Variants in CAMK2D observed in about 807,000 individuals in gnomAD.
CAMK2D encodes the protein calcium/calmodulin dependent protein kinase II delta.
CAMK2D carries 37 observed loss-of-function variants against 84.0 expected under a neutral mutation model. That is an observed-to-expected ratio of 0.44 (90% CI 0.34 to 0.58). The LOEUF (loss-of-function observed/expected upper bound fraction) is 0.58. Ranked by LOEUF, CAMK2D falls within the 20% of genes least tolerant of loss-of-function variation. The pLI is 0.02. For synonymous variants in CAMK2D, 202 were observed against 212.5 expected, an observed-to-expected ratio of 0.95 and a Z score of 0.43; for missense variants, 448 against 652.5, an observed-to-expected ratio of 0.69 and a Z score of 3.41.
intron 4 of CAMK2D, among the ~76,000 whole-genome samples, chr4:113,576,789 G>T (rs1273608189): frequency 6.6e-6 from 1 of 151,842 alleles, no homozygotes; most frequent in East Asian, 1.9e-4. Context: ...TTTTAATTTA[G>T]ACGGTACCAA....
intron 4 of CAMK2D, among the ~76,000 whole-genome samples, chr4:113,571,704 T>C (rs1476998299): frequency 1.3e-5 from 2 of 152,178 alleles, no homozygotes; most frequent in East Asian, 3.9e-4. Context: ...CAAAACCCCA[T>C]CTCTACTAAA....
At chr4:113,698,959 C>T (rs1038081887) in intron 2 of CAMK2D, among the ~76,000 whole-genome samples, 4 of 151,840 alleles carry the variant, frequency 2.6e-5, no homozygotes, top group African/African-American at 7.3e-5. Context: ...GGATTATGTC[C>T]GGATAATAAA....
At chr4:113,678,612 G>T (rs74770597) in intron 2 of CAMK2D, among the ~76,000 whole-genome samples, 4 of 151,722 alleles carry the variant, frequency 2.6e-5, no homozygotes, top group African/African-American at 9.7e-5. Context: ...TGTTTATGTC[G>T]GGAACATACA....
chr4:113,722,850 T>C (rs1347327612), intron 2 of CAMK2D, among the ~76,000 whole-genome samples: 2 of 152,036 alleles, frequency 1.3e-5, no homozygotes, highest in African/African-American at 4.8e-5. Context: ...AATTTATCAA[T>C]CACGTTAAGC....
At chr4:113,563,252 C>G (rs768292254) in intron 4 of CAMK2D, among the ~76,000 whole-genome samples, 1 of 151,988 alleles carries the variant, frequency 6.6e-6, no homozygotes, top group Non-Finnish European at 1.5e-5. Flanking sequence ...AAAACTCCAT[C>G]TCAAAAAAAC....
At chr4:113,561,185 A>C (rs1448704866) in intron 4 of CAMK2D, among the ~76,000 whole-genome samples, 2 of 152,194 alleles carry the variant, frequency 1.3e-5, no homozygotes, top group Non-Finnish European at 2.9e-5. Flanking sequence ...TTTTATTACT[A>C]CAGGGACTTA....
chr4:113,605,446 G>C (rs1401297813), intron 4 of CAMK2D, among the ~76,000 whole-genome samples: 3 of 152,138 alleles, frequency 2.0e-5, no homozygotes, highest in African/African-American at 7.2e-5. Context: ...GAACCTAAAA[G>C]GACAGAAAAA....
At chr4:113,678,460 A>ATT (rs35916236) in intron 2 of CAMK2D, among the ~76,000 whole-genome samples, 364 of 135,394 alleles carry the variant, frequency 2.7e-3, no homozygotes, top group Non-Finnish European at 4.7e-3. Context: ...TGGTTCTGTG[A>ATT]TTTTTTTTTT....
chr4:113,620,859 T>C (rs553264351), intron 3 of CAMK2D, among the ~76,000 whole-genome samples: 1 of 152,326 alleles, frequency 6.6e-6, no homozygotes, highest in Non-Finnish European at 1.5e-5. Flanking sequence ...TTAAGAAATA[T>C]AATTTTTGGT....
At chr4:113,626,506 T>C (rs114935868) in intron 3 of CAMK2D, among the ~76,000 whole-genome samples, 2,364 of 152,318 alleles carry the variant, frequency 0.016, 65 homozygotes, top group African/African-American at 0.054. Flanking sequence ...ACATTTGTTA[T>C]GAATAAATAT....
chr4:113,674,606 CA>C (rs931858059), intron 2 of CAMK2D, among the ~76,000 whole-genome samples: 4 of 152,046 alleles, frequency 2.6e-5, no homozygotes, highest in African/African-American at 9.7e-5. Context: ...AGCTGGCAGA[CA>C]AAAACCTGTC....
intron 2 of CAMK2D, among the ~76,000 whole-genome samples, chr4:113,734,865 A>C (rs926615149): frequency 6.6e-6 from 1 of 151,406 alleles, no homozygotes; most frequent in African/African-American, 2.4e-5. Flanking sequence ...AGTTTTTTAA[A>C]CCAGTTTTAC....
At chr4:113,540,396 G>A (rs114767698) in intron 6 of CAMK2D, among the ~76,000 whole-genome samples, 191 of 152,202 alleles carry the variant, frequency 1.3e-3, no homozygotes, top group African/African-American at 4.5e-3. Flanking sequence ...TTTCTAACAC[G>A]AATCAGACAG....
At chr4:113,626,217 G>T (rs1440346465) in intron 3 of CAMK2D, among the ~76,000 whole-genome samples, 1 of 152,118 alleles carries the variant, frequency 6.6e-6, no homozygotes, top group Non-Finnish European at 1.5e-5. Flanking sequence ...GAAGATGGAG[G>T]TGTAACAGGT....
At chr4:113,486,026 G>T (rs2097762545) in intron 16 of CAMK2D, among the ~76,000 whole-genome samples, 1 of 152,282 alleles carries the variant, frequency 6.6e-6, no homozygotes, top group South Asian at 2.1e-4. Flanking sequence ...CATTGGTGAA[G>T]AGATATGAAG....
intron 4 of CAMK2D, among the ~76,000 whole-genome samples, chr4:113,556,687 A>G (rs1334881397): frequency 6.6e-6 from 1 of 152,116 alleles, no homozygotes. Context: ...TAGTTACCCC[A>G]GGGGCTCCCC....
intron 3 of CAMK2D, among the ~76,000 whole-genome samples, chr4:113,624,087 C>T (rs2099057774): frequency 6.6e-6 from 1 of 152,136 alleles, no homozygotes; most frequent in Non-Finnish European, 1.5e-5. Flanking sequence ...GCTCACAGTT[C>T]ATGGCTCAAT....
intron 2 of CAMK2D, among the ~76,000 whole-genome samples, chr4:113,724,095 T>A (rs1225887937): frequency 6.6e-6 from 1 of 152,118 alleles, no homozygotes; most frequent in Admixed American, 6.5e-5. Flanking sequence ...TTTTGGATTC[T>A]GTGTTTATTC....
chr4:113,664,178 A>G (rs1020124039), intron 2 of CAMK2D, among the ~76,000 whole-genome samples: 2 of 152,154 alleles, frequency 1.3e-5, no homozygotes, highest in Non-Finnish European at 2.9e-5. Flanking sequence ...GAGAAAATAA[A>G]TTTCTCACAA....
Sources: allele counts gnomAD v4.1 joint callset (sites outside exome capture counted in the v4.1 genomes callset), GRCh38; gene constraint gnomAD v4.1.1; transcripts MANE v1.5; gene names NCBI Gene and HGNC (gene_info 2026-07-23, HGNC 2026-07-21).